Variants in JPH2 observed in about 807,000 individuals in gnomAD.
The protein encoded by JPH2 is junctophilin-2.
JPH2 carries 38 observed loss-of-function variants against 55.9 expected under a neutral mutation model. The observed-to-expected ratio is 0.68, with a 90% CI of 0.52 to 0.89. The LOEUF is 0.89. JPH2 is among the 40% of genes least tolerant of loss of function. JPH2 has a pLI of 0.00. For missense variants in JPH2, 964 were observed against 1,037.6 expected (o/e 0.93, Z 0.97); for synonymous variants, 480 against 472.4 (o/e 1.02, Z -0.21).
At chr20:44,116,409 C>T in intron 3 of JPH2, 23 bp from the exon 4 acceptor site, 1 of 1,545,448 alleles carries the variant, frequency 6.5e-7, no homozygotes, top group Non-Finnish European at 8.7e-7. Context: ...CACAGGGAGG[C>T]TGGGCTCGAA....
Position 44,176,638 on chromosome 20 carries a change from CA to C in JPH2, c.379+9688del, listed in dbSNP as rs2072735546. On this transcript the variant is annotated intron_variant, in intron 1 of 5. Coordinates refer to ENST00000372980, the MANE Select transcript of JPH2 (RefSeq NM_020433.5). Reference sequence around the variant, plus strand: ...GCAACATGGAGAAACCCCGTCTCTACAAAAAAATTAGCCAGGCATGGTGATG... The same window carrying C: ...GCAACATGGAGAAACCCCGTCTCTACAAAAAATTAGCCAGGCATGGTGATG... 1.3e-5 allele frequency among the ~76,000 whole-genome samples: 2 copies of C among 151,632 alleles called. 1 individual carries two copies. The highest frequency in any genetic ancestry group is 4.2e-4 in the South Asian group (2 of 4,810).
intron 1 of JPH2, among the ~76,000 whole-genome samples, chr20:44,167,663 G>T (rs1015545347): frequency 1.3e-5 from 2 of 152,164 alleles, no homozygotes; most frequent in African/African-American, 4.8e-5. Flanking sequence ...TGCTCTTCTG[G>T]TGAGTATAGA....
intron 1 of JPH2, 76 bp downstream of exon 1, chr20:44,186,251 C>T: frequency 1.3e-6 from 2 of 1,552,954 alleles, no homozygotes; most frequent in East Asian, 2.2e-5. Context: ...TTGCCGGTCG[C>T]CTTTCCCACC....
At chr20:44,134,705 ATATATATTATAAATATATATT>A (rs1256842509) in intron 2 of JPH2, among the ~76,000 whole-genome samples, 7,804 of 61,984 alleles carry the variant, frequency 0.13, 1,280 homozygotes, top group Admixed American at 0.16. Context: ...ATATACATTA[ATATATATTATAAATATATATT>A]TATTATAAAT....
intron 2 of JPH2, among the ~76,000 whole-genome samples, chr20:44,142,477 G>C (rs1363229110): frequency 6.6e-6 from 1 of 152,072 alleles, no homozygotes; most frequent in Non-Finnish European, 1.5e-5. Context: ...TGTCCCCAGA[G>C]CACGCCAAGC....
chr20:44,124,156 G>T (rs1383209828), intron 2 of JPH2, among the ~76,000 whole-genome samples: 1 of 152,090 alleles, frequency 6.6e-6, no homozygotes, highest in African/African-American at 2.4e-5. Flanking sequence ...ATAGGAGCAG[G>T]GCTCTCACCC....
chr20:44,152,400 G>A (rs1339532027), intron 2 of JPH2, among the ~76,000 whole-genome samples: 2 of 152,128 alleles, frequency 1.3e-5, no homozygotes, highest in African/African-American at 4.8e-5. Context: ...TCCCCACTGG[G>A]CACGGTAGCT....
intron 1 of JPH2, among the ~76,000 whole-genome samples, chr20:44,185,418 G>A (rs916837969): frequency 2.0e-5 from 3 of 151,708 alleles, no homozygotes; most frequent in African/African-American, 7.3e-5. Context: ...GAGCTCCGAA[G>A]TTTGAGACCA....
intron 2 of JPH2, among the ~76,000 whole-genome samples, chr20:44,135,836 G>A (rs1458856771): frequency 6.6e-6 from 1 of 152,196 alleles, no homozygotes; most frequent in Admixed American, 6.5e-5. Context: ...AGAAGTCTGT[G>A]TGATCATTTT....
intron 1 of JPH2, among the ~76,000 whole-genome samples, chr20:44,185,184 G>A (rs1399719391): frequency 5.3e-5 from 8 of 152,174 alleles, no homozygotes; most frequent in East Asian, 1.9e-4. Flanking sequence ...CATGTGCCTT[G>A]TAGTTCCAGC....
At chr20:44,133,253 G>A (rs1314799956) in intron 2 of JPH2, among the ~76,000 whole-genome samples, 1 of 149,318 alleles carries the variant, frequency 6.7e-6, no homozygotes, top group Non-Finnish European at 1.5e-5. Flanking sequence ...CCTTGCAATA[G>A]ACCCTTTCCT....
chr20:44,128,969 A>G (rs2072295966), intron 2 of JPH2, among the ~76,000 whole-genome samples: 1 of 152,212 alleles, frequency 6.6e-6, no homozygotes. Context: ...AAGAGCCCCT[A>G]TCTCATAAGC....
chr20:44,117,451 T>C (rs763171521), intron 3 of JPH2, among the ~76,000 whole-genome samples: 123 of 152,372 alleles, frequency 8.1e-4, no homozygotes, highest in Middle Eastern at 3.4e-3. Flanking sequence ...CTTCCTGGCA[T>C]GCTGCTCTGT....
intron 2 of JPH2, among the ~76,000 whole-genome samples, chr20:44,143,905 A>G (rs2072475914): frequency 6.6e-6 from 1 of 152,086 alleles, no homozygotes; most frequent in Admixed American, 6.6e-5. Context: ...GGCTGGTGGT[A>G]GTGAAGAGAG....
At chr20:44,162,779 TATATATATACACACACACAC>T (rs1430074288) in intron 1 of JPH2, among the ~76,000 whole-genome samples, 2 of 79,774 alleles carry the variant, frequency 2.5e-5, no homozygotes, top group African/African-American at 1.1e-4. Context: ...TATATATATA[TATATATATACACACACACAC>T]ACACACACAC....
At chr20:44,134,921 A>C (rs1425362522) in intron 2 of JPH2, among the ~76,000 whole-genome samples, 1 of 44,684 alleles carries the variant, frequency 2.2e-5, no homozygotes, top group Admixed American at 4.4e-4. Context: ...TAAAATATAT[A>C]TATTTATATA....
intron 2 of JPH2, among the ~76,000 whole-genome samples, chr20:44,157,180 T>C (rs1210126415): frequency 6.6e-6 from 1 of 152,184 alleles, no homozygotes; most frequent in African/African-American, 2.4e-5. Flanking sequence ...CCTTCAGGAC[T>C]GAAGGACTTA....
At position 44,108,856 on chromosome 20, in the gene JPH2, C is replaced by T. The variant is rs1184543101; in HGVS notation, c.*4662G>A. On this transcript the variant is annotated 3_prime_UTR_variant, in exon 6 of 6. Coordinates refer to ENST00000372980, the MANE Select transcript of JPH2 (RefSeq NM_020433.5). ...TGTGTGATCCTTACAAATCACGACA[C>T]TCTCTCCAGACCTGTTTCCCCATAT... Among the ~76,000 whole-genome samples the T allele has an allele frequency of 1.3e-5, 2 of 152,132 alleles. No homozygotes were observed. Among genetic ancestry groups the T allele is most frequent in the Admixed American group, 1.3e-4 (2 of 15,282 alleles).
rs886039170 is a variant in JPH2, at chr20:44,115,688, C to G, written c.1987G>C (p.Glu663Gln). Residue 663 changes from glutamate (E) to glutamine (Q), a missense_variant, in exon 4 of 6, where the codon GAG becomes CAG. Coordinates refer to ENST00000372980, the MANE Select transcript of JPH2 (RefSeq NM_020433.5). The part of the protein sequence containing the change: ...KARKEAALAA[E>Q]AEVEVEEVPN... The stretch of plus-strand genomic sequence containing the variant: ...ACCTCTTCCACCTCCACCTCCGCCT[C>G]TGCCGCCAGTGCGGCCTCCTTCCGC... 1 of 1,613,078 alleles carries G rather than the reference C, an allele frequency of 6.2e-7. No homozygotes were observed. Among genetic ancestry groups the G allele is most frequent in the Non-Finnish European group, 8.5e-7 (1 of 1,180,026 alleles).
Sources: gnomAD v4.1 joint callset for allele counts (sites outside exome capture counted in the v4.1 genomes callset) on GRCh38, gnomAD v4.1.1 for gene constraint, MANE v1.5 for transcripts, NCBI Gene and HGNC (gene_info 2026-07-23, HGNC 2026-07-21) for gene names.